OSBPL7: variants seen among roughly 807,000 people sequenced by gnomAD.
OSBPL7 encodes the protein oxysterol binding protein like 7, also known as oxysterol-binding protein-related protein 7.
A neutral mutation model predicts 115.8 loss-of-function variants in OSBPL7; 66 were observed. That is an observed-to-expected ratio of 0.57 (90% confidence interval 0.47 to 0.70). The LOEUF (loss-of-function observed/expected upper bound fraction) is 0.70, where lower values mean the gene tolerates loss of function less well. Among genes scored for constraint, OSBPL7 ranks in the 30% least tolerant of loss-of-function variants. OSBPL7 has a pLI of 0.00. For missense variants in OSBPL7, 902 were observed against 1,125.5 expected, an observed-to-expected ratio of 0.80 and a Z score of 2.84; for synonymous variants, 441 against 439.2, an observed-to-expected ratio of 1.00 and a Z score of -0.05.
rs753218507 is a variant in OSBPL7, at chr17:47,816,829, C to T, written c.746G>A (p.Ser249Asn). The T allele has an allele frequency of 1.9e-5, 31 of 1,613,984 alleles. No individual in the cohort carries two copies. The highest frequency in any genetic ancestry group is 2.5e-5 in the Non-Finnish European group (30 of 1,180,052). The change falls in exon 9 of 23, where the codon AGC becomes AAC. Residue 249 changes from serine to asparagine, a missense_variant. By Grantham distance (46) the Ser-to-Asn change is conservative. This residue lies in a region of OSBPL7 where 667 missense variants were observed against 788.7 expected (regional missense o/e 0.85). Transcript: ENST00000007414. The surrounding 1 kb of genome is among the most constrained non-coding windows in gnomAD (Gnocchi z 5.8). ...TERPKKGKRT[S>N]RMWCTQSFAK... ...AAAGCTCTGGGTGCACCACATGCGG[C>T]TTGTCCGTTTCCCCTTCTTGGGTCT...
rs111411388 is a variant in OSBPL7, at chr17:47,813,878, A to G, written c.1352-44T>C. On this transcript the variant is annotated intron_variant, in intron 14 of 22. Coordinates refer to ENST00000007414, the MANE Select transcript of OSBPL7 (RefSeq NM_145798.3). Reference sequence around the variant, plus strand: ...GTCACTCTCCATCTGGGCACCAGGCATCCCAGACATGGCAAGCCCACAGCC... The same window carrying G: ...GTCACTCTCCATCTGGGCACCAGGCGTCCCAGACATGGCAAGCCCACAGCC... 1.2e-5 allele frequency: 18 copies of G among 1,562,268 alleles called. 1 individual carries two copies. The highest frequency in any genetic ancestry group is 9.5e-5 in the African/African-American group (7 of 74,014).
In OSBPL7 at chr17:47,813,830, C is replaced by A. The variant is rs543934138; in HGVS notation, c.1356G>T (p.Gly452=). ...GCCCCATGGGTCTCCCTGGAACACA[C>A]CCCCCTGGGGCCGCCCTGCCATGTC... ...LRGAERCQKG[G]CVPGRPMGPP... is the part of the protein sequence containing the mutation. The change falls in exon 15 of 23, where the codon GGG becomes GGT. Residue 452 remains glycine (G), a synonymous_variant. Coordinates refer to ENST00000007414, the MANE Select transcript of OSBPL7 (RefSeq NM_145798.3). 4 of 1,606,754 alleles carry A rather than the reference C, an allele frequency of 2.5e-6. No individual in the cohort carries two copies. Among genetic ancestry groups the A allele is most frequent in the African/African-American group, 1.3e-5 (1 of 74,834 alleles).
intron 18 of OSBPL7, among the ~76,000 whole-genome samples, chr17:47,810,263 T>C (rs2032998557): frequency 6.6e-6 from 1 of 152,174 alleles, no homozygotes; most frequent in East Asian, 1.9e-4. Flanking sequence ...TTTAGGTTTC[T>C]GTGTGTGTGT....
intron 18 of OSBPL7, among the ~76,000 whole-genome samples, chr17:47,809,808 A>G (rs1189760797): frequency 6.6e-6 from 1 of 151,714 alleles, no homozygotes; most frequent in Non-Finnish European, 1.5e-5. Context: ...TCTCTTGGGT[A>G]TTACTTCTTA....
Position 47,809,399 on chromosome 17 carries a change from A to G in OSBPL7, c.1960T>C (p.Tyr654His). The part of the protein sequence containing the change: ...VLSGQRWIEH[Y>H]GEVLIRNTQD... ...GTGTTTCGGATGAGCACCTCCCCAT[A>G]GTGCTCGATCCAGCGCTGACCACTC... Residue 654 changes from tyrosine (Y) to histidine (H), a missense_variant, in exon 19 of 23, where the codon TAT becomes CAT. Coordinates refer to ENST00000007414, the MANE Select transcript of OSBPL7 (RefSeq NM_145798.3). The G allele has an allele frequency of 6.2e-7, 1 of 1,614,170 alleles. No individual in the cohort carries two copies. Among genetic ancestry groups the G allele is most frequent in the Non-Finnish European group, 8.5e-7 (1 of 1,180,024 alleles).
Position 47,817,459 on chromosome 17 carries a change from G to A in OSBPL7, c.599-100C>T, listed in dbSNP as rs570919462. On this transcript the variant is annotated intron_variant, in intron 7 of 22. Coordinates refer to ENST00000007414, the MANE Select transcript of OSBPL7 (RefSeq NM_145798.3). ...GGCTAGAGTGGAATGGCGTGATCTC[G>A]GCTCACTGCAACCTCTGCCTCCCAG... 180 of 760,014 alleles carry A rather than the reference G, an allele frequency of 2.4e-4. No individual in the cohort carries two copies. In the East Asian group the frequency reaches 3.6e-3, roughly 15 times the overall value. 47.1% of individuals were successfully genotyped at this position (760,014 alleles called of 1,614,324 possible).
chr17:47,818,397 A>G lies in OSBPL7; in HGVS notation c.481-11T>C, dbSNP rs2033292160. ...CTGGGCACCAGGAACCTGTGGGGTGAGCCCAGGGTCAGGAAGGATGATGCC... is the reference window on the plus strand; with the variant it reads ...CTGGGCACCAGGAACCTGTGGGGTGGGCCCAGGGTCAGGAAGGATGATGCC... On this transcript the variant is annotated splice_polypyrimidine_tract_variant and intron_variant, in intron 6 of 22. Transcript: ENST00000007414. 6.2e-7 allele frequency: 1 copy of G among 1,611,740 alleles called. No homozygotes were observed. Among genetic ancestry groups the G allele is most frequent in the South Asian group, 1.1e-5 (1 of 90,832 alleles).
In OSBPL7 at chr17:47,816,659, G is replaced by A. The variant is rs1253674269; in HGVS notation, c.832C>T (p.Arg278Cys). 10 of 1,614,100 alleles carry A rather than the reference G, an allele frequency of 6.2e-6. No individual in the cohort carries two copies. The highest frequency in any genetic ancestry group is 2.7e-5 in the African/African-American group (2 of 75,040). The change falls in exon 10 of 23, where the codon CGC (arginine) becomes TGC (cysteine). Residue 278 changes from arginine to cysteine, a missense_variant. This residue lies in a region of OSBPL7 where 667 missense variants were observed against 788.7 expected (regional missense o/e 0.85). Coordinates refer to ENST00000007414, the MANE Select transcript of OSBPL7 (RefSeq NM_145798.3). The surrounding 1 kb of genome is among the most constrained non-coding windows in gnomAD (Gnocchi z 5.8). The stretch of plus-strand genomic sequence containing the variant: ...GAGGAGTCCCGAGACTCCAGGTAGC[G>A]AGACAGGTTGGGAACAGAGCCATGG... ...RLHGSVPNLS[R>C]YLESRDSSGT...
intron 4 of OSBPL7, 180 bp from the exon 5 acceptor site, chr17:47,819,279 CT>C: frequency 1.7e-6 from 1 of 593,550 alleles, no homozygotes; most frequent in Non-Finnish European, 3.0e-6. Context: ...GAACGCTCCC[CT>C]ACGTCAAGTC....
At chr17:47,815,922 T>G (rs980045004) in intron 12 of OSBPL7, 185 bp downstream of exon 12, 6 of 555,980 alleles carry the variant, frequency 1.1e-5, no homozygotes, top group Non-Finnish European at 1.6e-5. Context: ...AAAAGTACCC[T>G]GCACGTTGTT....
In OSBPL7 at chr17:47,816,949, T is replaced by C; in HGVS notation, c.703-77A>G. On this transcript the variant is annotated intron_variant, in intron 8 of 22. Coordinates refer to ENST00000007414, the MANE Select transcript of OSBPL7 (RefSeq NM_145798.3). This position sits in a 1 kb window ranked among gnomAD's most constrained non-coding sequence, Gnocchi z 5.8. ...AGAAACCATCACAGCCTGGGAGAGG[T>C]AGACGGCCTCCTGCGCCATGGAGGA... is the stretch of plus-strand genomic sequence containing the variant. 7.1e-7 allele frequency: 1 copy of C among 1,405,798 alleles called. No homozygotes were observed. Among genetic ancestry groups the C allele is most frequent in the Non-Finnish European group, 1.0e-6 (1 of 992,634 alleles). 87.1% of individuals were successfully genotyped at this position (1,405,798 alleles called of 1,614,324 possible). A position where few individuals can be genotyped will look rare whatever the true frequency, so the allele number is the denominator to read the frequency against.
At chr17:47,821,304 C>T (rs530030553) in intron 1 of OSBPL7, among the ~76,000 whole-genome samples, 1 of 152,256 alleles carries the variant, frequency 6.6e-6, no homozygotes, top group East Asian at 1.9e-4. Flanking sequence ...CTAGCAAGCA[C>T]CTGAGGAACT....
intron 8 of OSBPL7, 139 bp downstream of exon 8, chr17:47,817,117 G>T: frequency 1.4e-6 from 1 of 729,540 alleles, no homozygotes; most frequent in East Asian, 2.7e-5. Flanking sequence ...GTTTGGACAT[G>T]GGTAAGGGGT....
Position 47,817,326 on chromosome 17 carries a change from A to C in OSBPL7, c.632T>G (p.Leu211Arg). ...LSECQGKLQE[L>R]HRLLQSLESL... Reference sequence around the variant, plus strand: ...CTCCAGGCTCTGGAGGAGCCTGTGTAGTTCCTGGAGCTTCCCCTGACACTC... The same window carrying C: ...CTCCAGGCTCTGGAGGAGCCTGTGTCGTTCCTGGAGCTTCCCCTGACACTC... The change falls in exon 8 of 23, where the codon CTA (leucine) becomes CGA (arginine). Residue 211 changes from leucine (L) to arginine (R), a missense_variant. By Grantham distance (102) the Leu-to-Arg change is moderately radical (BLOSUM62 -2). Coordinates refer to ENST00000007414, the MANE Select transcript of OSBPL7 (RefSeq NM_145798.3). 1 of 1,604,532 alleles carries C rather than the reference A, an allele frequency of 6.2e-7. No individual in the cohort carries two copies.
chr17:47,815,153 C>A, intron 13 of OSBPL7, 62 bp downstream of exon 13: 1 of 1,568,166 alleles, frequency 6.4e-7, no homozygotes, highest in Non-Finnish European at 8.7e-7. Context: ...CTGTGGACCC[C>A]ACCCTTCTGT....
rs2033213387 is a variant in OSBPL7 at position 47,816,304 on chromosome 17, C to A, written c.1023+84G>T. The A allele has an allele frequency of 6.7e-7, 1 of 1,489,602 alleles. No homozygotes were observed. Among genetic ancestry groups the A allele is most frequent in the African/African-American group, 1.4e-5 (1 of 71,508 alleles). 92.3% of individuals were successfully genotyped at this position (1,489,602 alleles called of 1,614,324 possible). A position where few individuals can be genotyped will look rare whatever the true frequency, so the allele number is the denominator to read the frequency against. On this transcript the variant is annotated intron_variant, in intron 11 of 22. Coordinates refer to ENST00000007414, the MANE Select transcript of OSBPL7 (RefSeq NM_145798.3). This position sits in a 1 kb window ranked among gnomAD's most constrained non-coding sequence, Gnocchi z 5.8. The stretch of plus-strand genomic sequence containing the variant: ...CCTCTGCCAACCCCCCACCCTGACC[C>A]AGATCTGCTATCGGACCCCAGGCTG...
In OSBPL7 at chr17:47,813,306, C is replaced by T. The variant is rs2033101075; in HGVS notation, c.1697G>A (p.Cys566Tyr). The change falls in exon 16 of 23, where the codon TGT (cysteine) becomes TAT (tyrosine). Residue 566 changes from cysteine to tyrosine, a missense_variant. Cys to Tyr is a radical substitution (Grantham distance 194). Around this residue, in one of 3 missense-constraint regions of OSBPL7, gnomAD observed 667 missense variants for 788.7 expected, o/e 0.85. Coordinates refer to ENST00000007414, the MANE Select transcript of OSBPL7 (RefSeq NM_145798.3). ...GCGGAAGCCTCGGTCAGGCCGCTCA[C>T]ACTCGTAGGTCTCCCCCAGGACAGG... ...FNPVLGETYE[C>Y]ERPDRGFRFI... 2 of 1,613,970 alleles carry T rather than the reference C, an allele frequency of 1.2e-6. No homozygotes were observed. The highest frequency in any genetic ancestry group is 1.7e-6 in the Non-Finnish European group (2 of 1,180,030).
At chr17:47,813,942 T>C in intron 14 of OSBPL7, 108 bp from the exon 15 acceptor site, 1 of 1,391,788 alleles carries the variant, frequency 7.2e-7, no homozygotes. Context: ...CCCTGGGACA[T>C]TCGCCCCTGA....
chr17:47,820,110 C>T lies in OSBPL7; in HGVS notation c.76-14G>A, dbSNP rs370663475. The T allele has an allele frequency of 1.2e-6, 2 of 1,613,008 alleles. No homozygotes were observed. The highest frequency in any genetic ancestry group is 1.7e-4 in the Middle Eastern group (1 of 6,060). On this transcript the variant is annotated splice_polypyrimidine_tract_variant and intron_variant, in intron 2 of 22. Transcript: ENST00000007414. ...CAGCTCAGAGGCCTGCAGTCCAGGA[C>T]AGAGGGAGGGGAGCACTGGTGAGAC...
Sources: allele counts gnomAD v4.1 joint callset (sites outside exome capture counted in the v4.1 genomes callset), GRCh38; gene constraint gnomAD v4.1.1; regional missense constraint gnomAD v4.1.1; non-coding constraint Gnocchi (gnomAD v3.1); transcripts MANE v1.5; gene names NCBI Gene and HGNC (gene_info 2026-07-23, HGNC 2026-07-21).